Variants in BRWD1 observed in about 807,000 individuals in gnomAD.
BRWD1 encodes bromodomain and WD repeat domain containing 1, also known as bromodomain and WD repeat-containing protein 1.
In BRWD1, 82 loss-of-function variants were observed where a neutral mutation model predicts 251.2. The observed-to-expected ratio is 0.33, with a 90% CI of 0.27 to 0.39. BRWD1 has a LOEUF of 0.39. Ranked by LOEUF, BRWD1 falls within the 10% of genes least tolerant of loss-of-function variation. The probability of loss-of-function intolerance (pLI) is 1.00; values close to 1 mark genes in which losing one functional copy is unlikely to be tolerated. For missense variants in BRWD1, 2,233 were observed against 2,711.6 expected, an observed-to-expected ratio of 0.82 and a Z score of 3.92; for synonymous variants, 918 against 902.8, an observed-to-expected ratio of 1.02 and a Z score of -0.30.
Position 39,195,883 on chromosome 21 carries a change from GA to G in BRWD1, c.*375del, listed in dbSNP as rs1296322125. The G allele has an allele frequency of 2.0e-6, 2 of 1,000,342 alleles. No homozygotes were observed. The highest frequency in any genetic ancestry group is 1.2e-4 in the Admixed American group (2 of 16,882). The allele number at this position is 1,000,342 out of a possible 1,614,324, so 62.0% of individuals were successfully genotyped here. On this transcript the variant is annotated 3_prime_UTR_variant, in exon 41 of 41. Transcript: ENST00000342449. ...TGTAACTACTATAGAACAGGGGTTA[GA>G]AACTACTGCCTCTTTGACAAATTCA...
chr21:39,299,178 G>A lies in BRWD1; in HGVS notation c.199-596C>T, dbSNP rs372817529. ...GTGGAGGTTGCAGTGAGCTGGGATC[G>A]TGCCATTGCACTCTAGCCTGGGCAA... On this transcript the variant is annotated intron_variant, in intron 4 of 40. Coordinates refer to ENST00000342449, the MANE Select transcript of BRWD1 (RefSeq NM_033656.4). 1.3e-3 allele frequency among the ~76,000 whole-genome samples: 191 copies of A among 151,940 alleles called. 4 individuals are homozygous for A. In the South Asian group the frequency reaches 0.038, roughly 30 times the overall value.
intron 21 of BRWD1, among the ~76,000 whole-genome samples, chr21:39,242,562 T>A (rs555062147): frequency 4.6e-5 from 7 of 152,336 alleles, no homozygotes; most frequent in African/African-American, 1.7e-4. Flanking sequence ...GGAAAGTGGC[T>A]ACAATAACAG....
intron 20 of BRWD1, among the ~76,000 whole-genome samples, chr21:39,249,918 GTGTGTGTGT>G (rs2034336831): frequency 3.9e-4 from 3 of 7,744 alleles, no homozygotes; most frequent in East Asian, 3.7e-3. Flanking sequence ...GAAGGGGGGT[GTGTGTGTGT>G]GTGTGTGTGT....
rs1601525711 is a variant in BRWD1 at position 39,313,592 on chromosome 21, C to CCGCCGCCGCCGCCGCCGCCATACCGTGCG, written c.-102_-101insCGCACGGTATGGCGGCGGCGGCGGCGGCG. 1 of 275,032 alleles carries CCGCCGCCGCCGCCGCCGCCATACCGTGCG rather than the reference C, an allele frequency of 3.6e-6. No individual in the cohort carries two copies. The highest frequency in any genetic ancestry group is 4.9e-6 in the Non-Finnish European group (1 of 202,352). The allele number at this position is 275,032 out of a possible 1,614,324, so 17.0% of individuals were successfully genotyped here. A position where few individuals can be genotyped will look rare whatever the true frequency, so the allele number is the denominator to read the frequency against. ...GGCGTCCCCTCTTCTCAGGCGCGCG[C>CCGCCGCCGCCGCCGCCGCCATACCGTGCG]CGCCGCCGCCGCCGCCGCCGCCATA... On this transcript the variant is annotated 5_prime_UTR_variant, in exon 1 of 41. The change creates a new upstream start codon in the 5' untranslated region. Transcript: ENST00000342449.
intron 37 of BRWD1, 29 bp from the exon 38 acceptor site, chr21:39,202,574 G>A: frequency 6.7e-7 from 1 of 1,497,448 alleles, no homozygotes; most frequent in Non-Finnish European, 9.2e-7. Flanking sequence ...AAAGGAAACA[G>A]TATTTAACAA....
At chr21:39,278,848 T>C (rs778034669) in intron 9 of BRWD1, 35 bp from the exon 10 acceptor site, 30 of 1,478,192 alleles carry the variant, frequency 2.0e-5, no homozygotes, top group Middle Eastern at 1.8e-4. Flanking sequence ...TAAAATAGAT[T>C]ATTTTACCAC....
chr21:39,212,383 T>G (rs188776642), intron 34 of BRWD1, among the ~76,000 whole-genome samples: 1 of 152,292 alleles, frequency 6.6e-6, no homozygotes, highest in East Asian at 1.9e-4. Flanking sequence ...GTAGTTCCCT[T>G]AACAGTCTAT....
chr21:39,245,401 T>C (rs1479508043), intron 21 of BRWD1, among the ~76,000 whole-genome samples: 1 of 152,126 alleles, frequency 6.6e-6, no homozygotes, highest in Non-Finnish European at 1.5e-5. Context: ...ACATATTACA[T>C]AGGCAGAGGC....
At chr21:39,221,312 T>G (rs558160124) in intron 29 of BRWD1, among the ~76,000 whole-genome samples, 47 of 152,296 alleles carry the variant, frequency 3.1e-4, no homozygotes, top group South Asian at 1.2e-3. Context: ...TCAAGAAATG[T>G]GTATGAAACA....
chr21:39,190,354 T>C lies in BRWD1; in HGVS notation c.*5905A>G, dbSNP rs1229804862. ...CTACAGAAGCATTATAAAATTTTCA[T>C]TGGCATTTTTAAAATTGGAGCATTT... On this transcript the variant is annotated 3_prime_UTR_variant, in exon 41 of 41. Coordinates refer to ENST00000342449, the MANE Select transcript of BRWD1 (RefSeq NM_033656.4). 8 of 985,162 alleles carry C rather than the reference T, an allele frequency of 8.1e-6. No homozygotes were observed. The highest frequency in any genetic ancestry group is 5.2e-5 in the African/African-American group (3 of 57,240). The allele number at this position is 985,162 out of a possible 1,614,324, so 61.0% of individuals were successfully genotyped here. A position where few individuals can be genotyped will look rare whatever the true frequency, so the allele number is the denominator to read the frequency against.
rs989296172 is a variant in BRWD1, at chr21:39,304,999, G to T, written c.199-6417C>A. Among the ~76,000 whole-genome samples the T allele has an allele frequency of 3.0e-4, 37 of 123,298 alleles. No homozygotes were observed. The Admixed American group carries it at 3.9e-3, about 13-fold the overall frequency. 80.9% of individuals were successfully genotyped at this position (123,298 alleles called of 152,430 possible). A position where few individuals can be genotyped will look rare whatever the true frequency, so the allele number is the denominator to read the frequency against. ...TTTTGAGATGGAGTCTTGCTCTGTC[G>T]CCCAGGCTGGAGTGCAGTGGCACAA... On this transcript the variant is annotated intron_variant, in intron 4 of 40. Coordinates refer to ENST00000342449, the MANE Select transcript of BRWD1 (RefSeq NM_033656.4).
Position 39,236,585 on chromosome 21 carries a change from T to G in BRWD1, c.2766+10A>C. 1 of 1,573,598 alleles carries G rather than the reference T, an allele frequency of 6.4e-7. No homozygotes were observed. The highest frequency in any genetic ancestry group is 8.6e-7 in the Non-Finnish European group (1 of 1,157,086). Reference sequence around the variant, plus strand: ...GATACATGCTATTTTTAAAGATACGTTTTTCTTACCTCCTTCTTAGGCTTA... The same window carrying G: ...GATACATGCTATTTTTAAAGATACGGTTTTCTTACCTCCTTCTTAGGCTTA... On this transcript the variant is annotated intron_variant, in intron 23 of 40. Transcript: ENST00000342449.
chr21:39,280,331 T>C (rs926832742), intron 8 of BRWD1, 83 bp from the exon 9 acceptor site: 14 of 1,064,560 alleles, frequency 1.3e-5, no homozygotes, highest in East Asian at 2.6e-5. Flanking sequence ...TTAACTTCAA[T>C]TGACAGTTTC....
rs1473476955 is a variant in BRWD1, at chr21:39,196,961, G to T, written c.6108C>A (p.His2036Gln). ...TTCTTTTAGAAGGTGCATCTATTTTGTGAATATTGGTATGCCTGTGCTTGT... is the reference window on the plus strand; with the variant it reads ...TTCTTTTAGAAGGTGCATCTATTTTTTGAATATTGGTATGCCTGTGCTTGT... Reference protein sequence around the residue: ...SEHKHRHTNIHKIDAPSKRKS... With the variant: ...SEHKHRHTNIQKIDAPSKRKS... The change falls in exon 41 of 41, where the codon CAC (histidine) becomes CAA (glutamine). Residue 2036 changes from histidine to glutamine, a missense_variant. By Grantham distance (24) the His-to-Gln change is conservative. This residue lies in a region of BRWD1 where 928 missense variants were observed against 970.0 expected (regional missense o/e 0.96). Transcript: ENST00000342449. The T allele has an allele frequency of 6.2e-7, 1 of 1,613,924 alleles. No homozygotes were observed. The highest frequency in any genetic ancestry group is 1.1e-5 in the South Asian group (1 of 91,076).
chr21:39,193,075 G>T lies in BRWD1; in HGVS notation c.*3184C>A. 1.0e-6 allele frequency: 1 copy of T among 985,060 alleles called. No homozygotes were observed. Among genetic ancestry groups the T allele is most frequent in the Non-Finnish European group, 1.2e-6 (1 of 829,684 alleles). 61.0% of individuals were successfully genotyped at this position (985,060 alleles called of 1,614,324 possible). A position where few individuals can be genotyped will look rare whatever the true frequency, so the allele number is the denominator to read the frequency against. On this transcript the variant is annotated 3_prime_UTR_variant, in exon 41 of 41. Transcript: ENST00000342449. ...TTTTGGACAGTAACACCCTCAGATG[G>T]TATTTTTATTGGTTTGTTTTATATT... is the stretch of plus-strand genomic sequence containing the variant.
At chr21:39,287,649 T>C (rs1035717111) in intron 8 of BRWD1, among the ~76,000 whole-genome samples, 3 of 152,234 alleles carry the variant, frequency 2.0e-5, no homozygotes, top group African/African-American at 7.2e-5. Flanking sequence ...TTTTGTTCCC[T>C]GAACAATGTG....
At chr21:39,220,510 C>T (rs1568882198) in intron 29 of BRWD1, among the ~76,000 whole-genome samples, 1 of 152,134 alleles carries the variant, frequency 6.6e-6, no homozygotes, top group Non-Finnish European at 1.5e-5. Context: ...CAAAGTGTAA[C>T]ACTTACAGGA....
In BRWD1 at chr21:39,312,589, G is replaced by T. The variant is rs546771834; in HGVS notation, c.198+252C>A. On this transcript the variant is annotated intron_variant, in intron 4 of 40. Transcript: ENST00000342449. ...CGGCCGCACCTGGAGCCCCACCCCT[G>T]CCGCAGGACCTCCGCGAGTCGCCCC... is the stretch of plus-strand genomic sequence containing the variant. 1.2e-3 allele frequency: 420 copies of T among 354,794 alleles called. 10 individuals carry two copies. In the South Asian group the frequency reaches 0.014, roughly 12 times the overall value. The allele number at this position is 354,794 out of a possible 1,614,324, so 22.0% of individuals were successfully genotyped here. A position where few individuals can be genotyped will look rare whatever the true frequency, so the allele number is the denominator to read the frequency against.
intron 33 of BRWD1, among the ~76,000 whole-genome samples, chr21:39,213,124 T>A (rs957183721): frequency 3.9e-5 from 6 of 152,166 alleles, no homozygotes; most frequent in African/African-American, 1.4e-4. Flanking sequence ...AGACAGGGTC[T>A]CAAACTCCTG....
Sources: gnomAD v4.1 joint callset for allele counts (sites outside exome capture counted in the v4.1 genomes callset) on GRCh38, gnomAD v4.1.1 for gene constraint, gnomAD v4.1.1 regional missense constraint, MANE v1.5 for transcripts, NCBI Gene and HGNC (gene_info 2026-07-23, HGNC 2026-07-21) for gene names.